MELTF: variants seen among roughly 807,000 people sequenced by gnomAD.
MELTF encodes melanotransferrin.
Under a neutral mutation model 83.7 loss-of-function variants are expected in MELTF, and 67 were observed. The observed-to-expected ratio is 0.80, with a 90% CI of 0.66 to 0.98. The LOEUF (loss-of-function observed/expected upper bound fraction) is 0.98. MELTF is among the 50% of genes least tolerant of loss of function. The probability of loss-of-function intolerance (pLI) is 0.00; values close to 1 mark genes in which losing one functional copy is unlikely to be tolerated. For missense variants in MELTF, 1,002 were observed against 1,035.6 expected (o/e 0.97, Z 0.44); for synonymous variants, 462 against 447.6 (o/e 1.03, Z -0.41).
At position 197,015,477 on chromosome 3, in the gene MELTF, G is replaced by C; in HGVS notation, c.1121C>G (p.Pro374Arg). The C allele has an allele frequency of 6.2e-7, 1 of 1,611,956 alleles. No individual in the cohort carries two copies. The highest frequency in any genetic ancestry group is 8.5e-7 in the Non-Finnish European group (1 of 1,179,364). ...CATGTCTCCACACTTCTGGATCTCG[G>C]GAGTGGAGAGCACACACCAGCGCAG... ...PYLRWCVLST[P>R]EIQKCGDMAV... Residue 374 changes from proline to arginine, a missense_variant, in exon 9 of 16, where the codon CCC becomes CGC. By Grantham distance (103) the Pro-to-Arg change is moderately radical. Coordinates refer to ENST00000296350, the MANE Select transcript of MELTF (RefSeq NM_005929.6).
rs1719793780 is a variant in MELTF, at chr3:197,024,972, CTGAGGGGGT to C, written c.305-496_305-488del. Among the ~76,000 whole-genome samples, 1 of 152,160 alleles carries C rather than the reference CTGAGGGGGT, an allele frequency of 6.6e-6. No individual in the cohort carries two copies. The highest frequency in any genetic ancestry group is 2.4e-5 in the African/African-American group (1 of 41,432). On this transcript the variant is annotated intron_variant, in intron 3 of 15. Coordinates refer to ENST00000296350, the MANE Select transcript of MELTF (RefSeq NM_005929.6). This position sits in a 1 kb window ranked among gnomAD's most constrained non-coding sequence, Gnocchi z 5.3. Reference sequence around the variant, plus strand: ...GATGAGGAGCGGCGATTTCCTGGTGCTGAGGGGGTTGAAGGAGAGTGAGACAGAGGCAGA... The same window carrying C: ...GATGAGGAGCGGCGATTTCCTGGTGCTGAAGGAGAGTGAGACAGAGGCAGA...
intron 6 of MELTF, chr3:197,019,280 T>A: frequency 9.6e-7 from 1 of 1,042,276 alleles, no homozygotes; most frequent in South Asian, 4.0e-5. Flanking sequence ...AGGCATCATT[T>A]AGGTGCTTCC....
Position 197,024,498 on chromosome 3 carries a change from G to A in MELTF, c.305-13C>T. ...GAGGTACCGACCTCTAGGAGGGGAG[G>A]GGAGTGGGTGAGGGCAGCAGGGAGA... On this transcript the variant is annotated splice_polypyrimidine_tract_variant and intron_variant, in intron 3 of 15. Coordinates refer to ENST00000296350, the MANE Select transcript of MELTF (RefSeq NM_005929.6). The surrounding 1 kb of genome is among the most constrained non-coding windows in gnomAD (Gnocchi z 5.3). 1 of 1,561,848 alleles carries A rather than the reference G, an allele frequency of 6.4e-7. No individual in the cohort carries two copies. The highest frequency in any genetic ancestry group is 8.7e-7 in the Non-Finnish European group (1 of 1,146,304).
intron 14 of MELTF, chr3:197,004,428 C>T (rs1173370523): frequency 5.1e-6 from 2 of 391,912 alleles, no homozygotes; most frequent in East Asian, 1.1e-4. Flanking sequence ...GATTCCTGAG[C>T]GTTCTGCTAG....
At position 197,002,122 on chromosome 3, in the gene MELTF, G is replaced by T. The variant is rs1029942958; in HGVS notation, c.*1250C>A. The stretch of plus-strand genomic sequence containing the variant: ...TCGGGGTTGCATGGCTACAGCCGGG[G>T]CGCTGCCAGGGCCTCCTCTGCGGCT... On this transcript the variant is annotated 3_prime_UTR_variant, in exon 16 of 16. Coordinates refer to ENST00000296350, the MANE Select transcript of MELTF (RefSeq NM_005929.6). 1 of 152,220 alleles carries T rather than the reference G, an allele frequency of 6.6e-6. No individual in the cohort carries two copies. The highest frequency in any genetic ancestry group is 2.4e-5 in the African/African-American group (1 of 41,450). 9.4% of individuals were successfully genotyped at this position (152,220 alleles called of 1,614,324 possible).
In MELTF at chr3:197,006,758, G is replaced by A. The variant is rs1221197476; in HGVS notation, c.1751-22C>T. 4.0e-6 allele frequency: 6 copies of A among 1,493,822 alleles called. No homozygotes were observed. Among genetic ancestry groups the A allele is most frequent in the Non-Finnish European group, 4.5e-6 (5 of 1,123,510 alleles). 92.5% of individuals were successfully genotyped at this position (1,493,822 alleles called of 1,614,324 possible). On this transcript the variant is annotated intron_variant, in intron 13 of 15. Transcript: ENST00000296350. This position sits in a 1 kb window ranked among gnomAD's most constrained non-coding sequence, Gnocchi z 5.4. ...TGGCCTGAGGGGGGTAAAGCAGTGT[G>A]TGTGGGGACGTTCCGGGAGTGGAGA...
chr3:197,019,178 G>C, intron 6 of MELTF: 1 of 1,001,892 alleles, frequency 1.0e-6, no homozygotes, highest in Non-Finnish European at 1.2e-6. Flanking sequence ...ATTCAGTGTA[G>C]TCCTACCCCC....
In MELTF at chr3:197,024,421, G is replaced by GGT. The variant is rs759085484; in HGVS notation, c.367_368dup (p.Leu124ProfsTer2). 26 of 1,610,422 alleles carry GGT rather than the reference G, an allele frequency of 1.6e-5. No individual in the cohort carries two copies. The highest frequency in any genetic ancestry group is 1.8e-4 in the Middle Eastern group (1 of 5,636). ...TGTGGCAGGACTTCACGCCTTTCAGGGTGTCAATGGTCACATGGGAGCTCC... is the reference window on the plus strand; with the variant it reads ...TGTGGCAGGACTTCACGCCTTTCAGGGTGTGTCAATGGTCACATGGGAGCTCC... On this transcript the variant is annotated frameshift_variant, in exon 4 of 16. Coordinates refer to ENST00000296350, the MANE Select transcript of MELTF (RefSeq NM_005929.6). LOFTEE classifies it high-confidence loss of function. This position sits in a 1 kb window ranked among gnomAD's most constrained non-coding sequence, Gnocchi z 5.3.
intron 10 of MELTF, among the ~76,000 whole-genome samples, chr3:197,010,446 C>T (rs1191096156): frequency 6.6e-6 from 1 of 152,216 alleles, no homozygotes; most frequent in East Asian, 1.9e-4. Context: ...GAGAGACTGT[C>T]TGTCGTCTGC....
rs571838489 is a variant in MELTF at position 197,015,343 on chromosome 3, G to A, written c.1233+22C>T. Reference sequence around the variant, plus strand: ...GCCACCACCCGCCCACCTGGCCCACGCTGCACCTGCGTGACTCCCACCTGG... The same window carrying A: ...GCCACCACCCGCCCACCTGGCCCACACTGCACCTGCGTGACTCCCACCTGG... On this transcript the variant is annotated intron_variant, in intron 9 of 15. Coordinates refer to ENST00000296350, the MANE Select transcript of MELTF (RefSeq NM_005929.6). 7.4e-5 allele frequency: 114 copies of A among 1,542,202 alleles called. 2 individuals are homozygous for A. The South Asian group carries it at 1.2e-3, about 16-fold the overall frequency.
Position 197,027,778 on chromosome 3 carries a change from T to C in MELTF, c.182A>G (p.Asp61Gly). The C allele has an allele frequency of 6.2e-7, 1 of 1,610,662 alleles. No individual in the cohort carries two copies. The highest frequency in any genetic ancestry group is 1.1e-5 in the South Asian group (1 of 90,610). Residue 61 changes from aspartate to glycine, a missense_variant, in exon 2 of 16, where the codon GAC becomes GGC. Coordinates refer to ENST00000296350, the MANE Select transcript of MELTF (RefSeq NM_005929.6). ...SLLCVRGTSA[D>G]HCVQLIAAQE... The stretch of plus-strand genomic sequence containing the variant: ...CACCGCGATGAGCTGGACGCAGTGG[T>C]CGGCGGAGGTGCCCCGGACGCAGAG...
chr3:197,005,414 G>C (rs1020367742), intron 14 of MELTF, among the ~76,000 whole-genome samples: 1 of 152,158 alleles, frequency 6.6e-6, no homozygotes, highest in Admixed American at 6.5e-5. Context: ...TGCAAGTTTG[G>C]GACTGATGTC....
rs544881293 is a variant in MELTF at position 197,015,218 on chromosome 3, G to A, written c.1233+147C>T. 4.6e-4 allele frequency: 462 copies of A among 1,004,484 alleles called. 2 individuals carry two copies. In the African/African-American group the frequency reaches 6.3e-3, roughly 14 times the overall value. 62.2% of individuals were successfully genotyped at this position (1,004,484 alleles called of 1,614,324 possible). On this transcript the variant is annotated intron_variant, in intron 9 of 15. Coordinates refer to ENST00000296350, the MANE Select transcript of MELTF (RefSeq NM_005929.6). ...CCCTGGGGTGGGTGCTGGCCCCTGC[G>A]GTCGCTCCTCCCCACCCGTCTCTGT...
In MELTF at chr3:197,003,432, C is replaced by A. The variant is rs896903252; in HGVS notation, c.2157G>T (p.Ala719=). ...CGGGCAGCAGCAGCGGGAGCAGGGG[C>A]GCCCCGGGCGCCGGGGCCGCTGGGG... The part of the protein sequence containing the change: ...CSGAAAPAPG[A]PLLPLLLPAL... Residue 719 remains alanine (A), a synonymous_variant, in exon 16 of 16, where the codon GCG becomes GCT. Transcript: ENST00000296350. This position sits in a 1 kb window ranked among gnomAD's most constrained non-coding sequence, Gnocchi z 6.2. The A allele has an allele frequency of 6.4e-5, 69 of 1,071,200 alleles. No individual in the cohort carries two copies. The African/African-American group carries it at 1.0e-3, about 16-fold the overall frequency. The allele number at this position is 1,071,200 out of a possible 1,614,324, so 66.4% of individuals were successfully genotyped here.
chr3:197,020,123 A>G (rs1451227565), intron 6 of MELTF, among the ~76,000 whole-genome samples: 2 of 152,242 alleles, frequency 1.3e-5, no homozygotes, highest in East Asian at 3.8e-4. Flanking sequence ...CTTCAGGCAA[A>G]TCTAAATTGA....
At chr3:197,017,670 G>A (rs1172117210) in intron 6 of MELTF, among the ~76,000 whole-genome samples, 1 of 152,204 alleles carries the variant, frequency 6.6e-6, no homozygotes, top group Non-Finnish European at 1.5e-5. Flanking sequence ...GAGGTCAGGA[G>A]ATCAAGACCA....
intron 2 of MELTF, 91 bp from the exon 3 acceptor site, chr3:197,026,850 C>G: frequency 1.8e-6 from 2 of 1,086,360 alleles, no homozygotes; most frequent in Non-Finnish European, 2.7e-6. Flanking sequence ...GGGGCCCCAC[C>G]CCAAGCCCCA....
chr3:197,020,241 T>C (rs1390432916), intron 6 of MELTF, among the ~76,000 whole-genome samples: 3 of 152,168 alleles, frequency 2.0e-5, no homozygotes, highest in Admixed American at 2.0e-4. Flanking sequence ...ATCTAACAAC[T>C]AAACCCCATG....
chr3:197,009,829 T>A lies in MELTF; in HGVS notation c.1331-17A>T. On this transcript the variant is annotated splice_polypyrimidine_tract_variant and intron_variant, in intron 10 of 15. Coordinates refer to ENST00000296350, the MANE Select transcript of MELTF (RefSeq NM_005929.6). ...TGTCTTCCGCTGGGGAGAGAGGGAC[T>A]CACGTGAGGGGCCCCTCATCTGAGA... 6.2e-7 allele frequency: 1 copy of A among 1,600,710 alleles called. No individual in the cohort carries two copies. Among genetic ancestry groups the A allele is most frequent in the Non-Finnish European group, 8.5e-7 (1 of 1,169,992 alleles).
Sources: gnomAD v4.1 joint callset for allele counts (sites outside exome capture counted in the v4.1 genomes callset) on GRCh38, gnomAD v4.1.1 for gene constraint, Gnocchi (gnomAD v3.1) non-coding constraint, MANE v1.5 for transcripts, NCBI Gene and HGNC (gene_info 2026-07-23, HGNC 2026-07-21) for gene names.